LMF1: variants seen among roughly 807,000 people sequenced by gnomAD.
The protein encoded by LMF1 is lipase maturation factor 1.
LMF1 carries 68 observed loss-of-function variants against 60.6 expected under a neutral mutation model. The ratio of observed to expected loss-of-function variants is 1.12; its 90% CI spans 0.92 to 1.37. The LOEUF is 1.37. LMF1 is among the 40% of genes most tolerant of loss of function. The pLI is 0.00. For synonymous variants in LMF1, 418 were observed against 324.7 expected (o/e 1.29, Z -3.09); for missense variants, 948 against 767.2 (o/e 1.24, Z -2.78).
intron 2 of LMF1, chr16:947,674 AG>A (rs1276934011): frequency 6.7e-6 from 3 of 444,672 alleles, no homozygotes; most frequent in Non-Finnish European, 1.4e-5. Context: ...ACAGTGGGGA[AG>A]GGATGGCGGT....
At chr16:899,390 C>T (rs964859654) in intron 4 of LMF1, 2 of 152,340 alleles carry the variant, frequency 1.3e-5, no homozygotes, top group Non-Finnish European at 2.9e-5. Flanking sequence ...GCCCTGAAGC[C>T]GATGGGCCCT....
intron 10 of LMF1, among the ~76,000 whole-genome samples, chr16:864,365 G>A (rs2069552616): frequency 1.3e-5 from 2 of 152,160 alleles, no homozygotes; most frequent in South Asian, 4.1e-4. Context: ...AATGGTGCGA[G>A]GGATACGCAC....
rs1251617856 is a variant in LMF1, at chr16:879,757, C to T, written c.730-20G>A. On this transcript the variant is annotated intron_variant, in intron 5 of 10. Transcript: ENST00000262301. ...CTGGGTCTGCAGGGACAGGAGGGGC[C>T]GTGAGGTGCCTGGCCGATCTCGGGG... 3.9e-6 allele frequency: 6 copies of T among 1,549,702 alleles called. No individual in the cohort carries two copies. The highest frequency in any genetic ancestry group is 1.9e-5 in the Admixed American group (1 of 51,668).
chr16:870,915 TC>T (rs1376792128), intron 7 of LMF1, 33 bp from the exon 8 acceptor site: 1 of 1,573,510 alleles, frequency 6.4e-7, no homozygotes, highest in Non-Finnish European at 8.6e-7. Context: ...CAGGTGGGGC[TC>T]CCAGCTGCCC....
At chr16:860,775 C>A (rs2069439775) in intron 10 of LMF1, among the ~76,000 whole-genome samples, 1 of 152,042 alleles carries the variant, frequency 6.6e-6, no homozygotes, top group Non-Finnish European at 1.5e-5. Context: ...AAAAAAAACT[C>A]ATCCGGGCAT....
At chr16:968,539 TAGA>T (rs2072973811) in intron 1 of LMF1, 1 of 152,156 alleles carries the variant, frequency 6.6e-6, no homozygotes. Context: ...CAGAACTTTC[TAGA>T]AGGAGATAAA....
At chr16:950,675 T>C (rs1158505166) in intron 2 of LMF1, among the ~76,000 whole-genome samples, 8 of 120,458 alleles carry the variant, frequency 6.6e-5, no homozygotes, top group African/African-American at 2.6e-4. Context: ...TCAGAGACAA[T>C]GACAGAGTCA....
chr16:891,239 C>T (rs890992478), intron 5 of LMF1, among the ~76,000 whole-genome samples: 3 of 152,202 alleles, frequency 2.0e-5, no homozygotes, highest in Non-Finnish European at 2.9e-5. Context: ...GACCCGTCCC[C>T]CAGAAACACC....
chr16:876,068 C>T (rs1378360304), intron 6 of LMF1, among the ~76,000 whole-genome samples: 1 of 152,250 alleles, frequency 6.6e-6, no homozygotes, highest in African/African-American at 2.4e-5. Flanking sequence ...GTGCTCAGCA[C>T]AACCCTCCTT....
chr16:859,264 G>T (rs1235194288), intron 10 of LMF1, among the ~76,000 whole-genome samples: 6 of 121,626 alleles, frequency 4.9e-5, no homozygotes, highest in African/African-American at 2.6e-4. Context: ...GTCACGGGAC[G>T]GGTGTGAGTG....
chr16:875,460 T>C (rs2069945700), intron 6 of LMF1, among the ~76,000 whole-genome samples: 1 of 152,180 alleles, frequency 6.6e-6, no homozygotes, highest in Non-Finnish European at 1.5e-5. Flanking sequence ...CCCCATTCCA[T>C]GTCACGGTAG....
chr16:973,988 C>T (rs4984739), upstream of LMF1, among the ~76,000 whole-genome samples: 27,323 of 144,128 alleles, frequency 0.19, 2,765 homozygotes, highest in South Asian at 0.33. Flanking sequence ...CCAGCCTGGG[C>T]GACAGAGCGA....
At chr16:870,963 C>A in intron 7 of LMF1, 81 bp from the exon 8 acceptor site, 2 of 1,498,092 alleles carry the variant, frequency 1.3e-6, no homozygotes, top group Non-Finnish European at 1.8e-6. Context: ...GCTGCTGCTC[C>A]CTAAGGGTCA....
chr16:869,448 C>A, intron 9 of LMF1: 1 of 545,342 alleles, frequency 1.8e-6, no homozygotes, highest in East Asian at 4.6e-5. Flanking sequence ...TTCCTGTTCG[C>A]TGAGACAGGG....
intron 4 of LMF1, chr16:898,905 G>C (rs996432427): frequency 6.6e-6 from 1 of 152,180 alleles, no homozygotes; most frequent in South Asian, 2.1e-4. Context: ...GAAACCTTCG[G>C]CGTGAACCCA....
rs77457568 is a variant in LMF1 at position 871,379 on chromosome 16, C to A, written c.898-38G>T. On this transcript the variant is annotated intron_variant, in intron 6 of 10. Coordinates refer to ENST00000262301, the MANE Select transcript of LMF1 (RefSeq NM_022773.4). ...CGCAGCTGAGTCTCGTGCAGGGGCTCGTGTGGGGCCCCTGGGCAGCTGGCG... is the reference window on the plus strand; with the variant it reads ...CGCAGCTGAGTCTCGTGCAGGGGCTAGTGTGGGGCCCCTGGGCAGCTGGCG... 2.0e-4 allele frequency: 323 copies of A among 1,594,914 alleles called. 1 individual carries two copies. In the African/African-American group the frequency reaches 3.9e-3, roughly 19 times the overall value.
chr16:855,599 C>T lies in LMF1; in HGVS notation c.1530-893G>A, dbSNP rs536695153. 193 of 421,952 alleles carry T rather than the reference C, an allele frequency of 4.6e-4. 2 individuals are homozygous for T. Among genetic ancestry groups the T allele is most frequent in the African/African-American group, 3.8e-3 (185 of 49,186 alleles). The allele number at this position is 421,952 out of a possible 1,614,324, so 26.1% of individuals were successfully genotyped here. ...CACAAGCTCCCGGCCCTCCAGGCCC[C>T]TTCGCAGTTGTGCAGCAGGAGCGGA... On this transcript the variant is annotated intron_variant, in intron 10 of 10. Coordinates refer to ENST00000262301, the MANE Select transcript of LMF1 (RefSeq NM_022773.4).
At chr16:936,308 G>A (rs455920) in intron 2 of LMF1, among the ~76,000 whole-genome samples, 1 of 143,758 alleles carries the variant, frequency 7.0e-6, no homozygotes, top group Non-Finnish European at 1.5e-5. Context: ...CACCCCGTGG[G>A]CTGAGGAAGG....
intron 3 of LMF1, among the ~76,000 whole-genome samples, chr16:925,857 A>G (rs34937307): frequency 0.3 from 44,970 of 152,312 alleles, 8,607 homozygotes; most frequent in African/African-American, 0.53. Context: ...GTTTGAGTAA[A>G]GCAAACATTT....
Sources: allele counts gnomAD v4.1 joint callset (sites outside exome capture counted in the v4.1 genomes callset), GRCh38; gene constraint gnomAD v4.1.1; transcripts MANE v1.5; gene names NCBI Gene and HGNC (gene_info 2026-07-23, HGNC 2026-07-21).